ME1: variants seen among roughly 807,000 people sequenced by gnomAD.
ME1 encodes the protein NADP-dependent malic enzyme.
A neutral mutation model predicts 66.4 loss-of-function variants in ME1; 74 were observed. The ratio of observed to expected loss-of-function variants is 1.11; its 90% confidence interval spans 0.92 to 1.35. ME1 has a LOEUF of 1.35. ME1 is among the 40% of genes most tolerant of loss of function. The pLI, the probability that ME1 is intolerant of heterozygous loss-of-function variation, is 0.00. For synonymous variants in ME1, 251 were observed against 235.6 expected (o/e 1.07, Z -0.60); for missense variants, 750 against 694.1 (o/e 1.08, Z -0.90).
chr6:83,339,819 G>T (rs1221765682), intron 5 of ME1, among the ~76,000 whole-genome samples: 4 of 109,080 alleles, frequency 3.7e-5, no homozygotes, highest in Admixed American at 2.0e-4. Context: ...GGGGACTGTG[G>T]TGGGGTCGGG....
At chr6:83,301,338 CTTTCTT>C (rs1414225988) in intron 6 of ME1, among the ~76,000 whole-genome samples, 1,073 of 77,662 alleles carry the variant, frequency 0.014, 14 homozygotes, top group African/African-American at 0.047. Context: ...CTCTCTCTCT[CTTTCTT>C]TCTTTCTTTC....
chr6:83,366,668 T>C (rs1769105986), intron 3 of ME1, among the ~76,000 whole-genome samples: 1 of 152,214 alleles, frequency 6.6e-6, no homozygotes. Context: ...TGTTGCTGTA[T>C]ACCTCTCTTG....
chr6:83,319,149 G>A (rs1322309035), intron 5 of ME1, among the ~76,000 whole-genome samples: 1 of 147,884 alleles, frequency 6.8e-6, no homozygotes, highest in Non-Finnish European at 1.5e-5. Flanking sequence ...TCTGGGGACT[G>A]TTGTGGGGTC....
chr6:83,381,627 C>T (rs1035435283), intron 3 of ME1, among the ~76,000 whole-genome samples: 2 of 152,062 alleles, frequency 1.3e-5, no homozygotes, highest in Non-Finnish European at 2.9e-5. Context: ...TGGAATTATT[C>T]CCATGTGAAC....
intron 9 of ME1, 69 bp downstream of exon 9, chr6:83,237,648 T>C (rs568035884): frequency 1.2e-5 from 9 of 746,410 alleles, no homozygotes; most frequent in Non-Finnish European, 1.8e-5. Flanking sequence ...AGAAACAGAG[T>C]TGTCTTTGAG....
chr6:83,319,233 GC>G (rs1370711907), intron 5 of ME1, among the ~76,000 whole-genome samples: 1 of 151,484 alleles, frequency 6.6e-6, no homozygotes, highest in Non-Finnish European at 1.5e-5. Flanking sequence ...CAGCGCACCA[GC>G]ATGGCACATG....
Position 83,288,427 on chromosome 6 carries a change from C to G in ME1, c.704+26883G>C, listed in dbSNP as rs138009843. The stretch of plus-strand genomic sequence containing the variant: ...TAAATAGGGAATCTTTTCCCTATTG[C>G]TTGTGTGTGTCAGTTTTGTCAAAGA... On this transcript the variant is annotated intron_variant, in intron 6 of 13. Transcript: ENST00000369705. 1.2e-3 allele frequency among the ~76,000 whole-genome samples: 188 copies of G among 152,190 alleles called. No individual in the cohort carries two copies. The Middle Eastern group carries it at 0.017, about 14-fold the overall frequency.
intron 3 of ME1, among the ~76,000 whole-genome samples, chr6:83,394,919 A>C (rs1320316430): frequency 6.6e-6 from 1 of 152,188 alleles, no homozygotes; most frequent in Middle Eastern, 3.2e-3. Flanking sequence ...TTTAAGGGAA[A>C]GAACAAAAGA....
chr6:83,237,186 C>A (rs1790415034), intron 9 of ME1, among the ~76,000 whole-genome samples: 1 of 138,960 alleles, frequency 7.2e-6, no homozygotes, highest in Non-Finnish European at 1.5e-5. Flanking sequence ...CAAAGTGAGA[C>A]CCTACCTCAA....
chr6:83,246,755 G>C (rs1436745086), intron 7 of ME1, among the ~76,000 whole-genome samples: 3 of 152,026 alleles, frequency 2.0e-5, no homozygotes, highest in African/African-American at 7.2e-5. Context: ...ATCAGGTAAA[G>C]ATCTGCATGT....
At chr6:83,240,058 C>T (rs1180229) in intron 7 of ME1, among the ~76,000 whole-genome samples, 39,636 of 151,782 alleles carry the variant, frequency 0.26, 5,527 homozygotes, top group Middle Eastern at 0.37. Flanking sequence ...TAGATTCTTC[C>T]GTCTAATTAC....
At chr6:83,422,832 T>C (rs1455575793) in intron 1 of ME1, among the ~76,000 whole-genome samples, 1 of 152,064 alleles carries the variant, frequency 6.6e-6, no homozygotes, top group African/African-American at 2.4e-5. Flanking sequence ...GTAGGCCTTT[T>C]GATACTATCA....
chr6:83,283,826 A>G (rs1463581433), intron 6 of ME1, among the ~76,000 whole-genome samples: 2 of 152,186 alleles, frequency 1.3e-5, no homozygotes, highest in Non-Finnish European at 1.5e-5. Flanking sequence ...GCCTAGAGGA[A>G]CTAGAGGAAC....
chr6:83,313,241 T>C (rs1767963658), intron 6 of ME1, among the ~76,000 whole-genome samples: 1 of 152,214 alleles, frequency 6.6e-6, no homozygotes, highest in African/African-American at 2.4e-5. Flanking sequence ...CCTGAAACAA[T>C]GTTATGACAG....
rs1769946150 is a variant in ME1 at position 83,406,456 on chromosome 6, T to A, written c.212+1312A>T. Among the ~76,000 whole-genome samples, 3 of 152,184 alleles carry A rather than the reference T, an allele frequency of 2.0e-5. No individual in the cohort carries two copies. In the South Asian group the frequency reaches 6.2e-4, roughly 31 times the overall value. On this transcript the variant is annotated intron_variant, in intron 2 of 13. Coordinates refer to ENST00000369705, the MANE Select transcript of ME1 (RefSeq NM_002395.6). The stretch of plus-strand genomic sequence containing the variant: ...AGAATTCAGCTGTGAATCCATCTGA[T>A]CCTGGGTTTTTTTCGTTGGTACTCT...
intron 3 of ME1, among the ~76,000 whole-genome samples, chr6:83,356,178 A>T (rs79505918): frequency 2.6e-5 from 4 of 152,098 alleles, no homozygotes; most frequent in African/African-American, 9.7e-5. Flanking sequence ...CATTTTGGAG[A>T]TAAGTTTATG....
intron 12 of ME1, among the ~76,000 whole-genome samples, chr6:83,221,929 G>A (rs998757556): frequency 6.6e-6 from 1 of 152,186 alleles, no homozygotes; most frequent in Non-Finnish European, 1.5e-5. Flanking sequence ...AAGAGATGCA[G>A]CCAGAGAGAT....
At chr6:83,381,082 G>C (rs1457565991) in intron 3 of ME1, among the ~76,000 whole-genome samples, 2 of 152,104 alleles carry the variant, frequency 1.3e-5, no homozygotes, top group East Asian at 1.9e-4. Context: ...GTAACTGCAA[G>C]AGTGAGATGA....
chr6:83,220,084 C>A (rs1790062775), intron 12 of ME1, among the ~76,000 whole-genome samples: 1 of 152,132 alleles, frequency 6.6e-6, no homozygotes, highest in Non-Finnish European at 1.5e-5. Context: ...CCTATAAACA[C>A]CAGGACACTG....
Sources: allele counts gnomAD v4.1 joint callset (sites outside exome capture counted in the v4.1 genomes callset), GRCh38; gene constraint gnomAD v4.1.1; transcripts MANE v1.5; gene names NCBI Gene and HGNC (gene_info 2026-07-23, HGNC 2026-07-21).